RYR2: variants seen among roughly 807,000 people sequenced by gnomAD.
RYR2 encodes the protein ryanodine receptor 2.
In RYR2, 227 loss-of-function variants were observed where a neutral mutation model predicts 601.1. The ratio of observed to expected loss-of-function variants is 0.38; its 90% CI spans 0.34 to 0.42. The LOEUF (loss-of-function observed/expected upper bound fraction) is 0.42. RYR2 is among the 10% of genes least tolerant of loss of function. The pLI is 1.00. For synonymous variants in RYR2, 2,223 were observed against 2,175.1 expected, an observed-to-expected ratio of 1.02 and a Z score of -0.61; for missense variants, 4,646 against 6,156.5, an observed-to-expected ratio of 0.75 and a Z score of 8.21.
At chr1:237,129,157 G>T (rs545070311) in intron 1 of RYR2, among the ~76,000 whole-genome samples, 9 of 152,282 alleles carry the variant, frequency 5.9e-5, no homozygotes, top group Admixed American at 5.9e-4. Context: ...CTCTCATCTG[G>T]ATTACTGCAG....
chr1:237,047,388 C>CTTT (rs1660719850), intron 1 of RYR2, among the ~76,000 whole-genome samples: 2 of 66,004 alleles, frequency 3.0e-5, no homozygotes, highest in Non-Finnish European at 3.7e-5. Context: ...TCCTTTCTAG[C>CTTT]CTTTTTTTTT....
chr1:237,044,956 C>CTTCT (rs755992320), intron 1 of RYR2, among the ~76,000 whole-genome samples: 2 of 144,576 alleles, frequency 1.4e-5, no homozygotes, highest in Non-Finnish European at 3.0e-5. Context: ...TCTTCTTCTT[C>CTTCT]TTTTTTTTTT....
At chr1:237,271,136 C>CA (rs1216548041) in intron 2 of RYR2, among the ~76,000 whole-genome samples, 2 of 151,020 alleles carry the variant, frequency 1.3e-5, no homozygotes, top group Non-Finnish European at 3.0e-5. Context: ...TTTTTTTCCT[C>CA]AAAGTGTTAT....
intron 31 of RYR2, 78 bp downstream of exon 31, chr1:237,591,070 G>A (rs1675102315): frequency 4.8e-6 from 6 of 1,245,938 alleles, no homozygotes; most frequent in Middle Eastern, 2.3e-4. Flanking sequence ...GGGTCTCCTA[G>A]TGTAAATTTT....
rs1558428110 is a variant in RYR2, at chr1:237,208,968, A to ATATG, written c.49-61526_49-61525insGTAT. On this transcript the variant is annotated intron_variant, in intron 1 of 104. Transcript: ENST00000366574. ...TATATATATATATATATATATATAT[A>ATATG]TATATATATATATATATGTATACTG... 4.0e-3 allele frequency among the ~76,000 whole-genome samples: 356 copies of ATATG among 88,758 alleles called. 4 individuals carry two copies. Among genetic ancestry groups the ATATG allele is most frequent in the African/African-American group, 0.011 (331 of 28,956 alleles). The allele number at this position is 88,758 out of a possible 152,430, so 58.2% of individuals were successfully genotyped here.
Position 237,494,895 on chromosome 1 carries a change from A to G in RYR2, c.1962-1616A>G, listed in dbSNP as rs558198055. On this transcript the variant is annotated intron_variant, in intron 19 of 104. Transcript: ENST00000366574. The stretch of plus-strand genomic sequence containing the variant: ...AATCTCTGCCTCCTGGGTTCAAGCC[A>G]TTCTCCTGCCTCAGCCTCCTGAGTA... 3.3e-5 allele frequency among the ~76,000 whole-genome samples: 5 copies of G among 152,178 alleles called. No individual in the cohort carries two copies. The East Asian group carries it at 9.7e-4, about 29-fold the overall frequency.
intron 25 of RYR2, among the ~76,000 whole-genome samples, chr1:237,545,050 C>T (rs114569969): frequency 7.6e-4 from 116 of 152,226 alleles, no homozygotes; most frequent in African/African-American, 2.6e-3. Flanking sequence ...AATCCTTTCT[C>T]GTACAAGGTT....
intron 2 of RYR2, among the ~76,000 whole-genome samples, chr1:237,284,683 T>TACACACACACACAC (rs71180018): frequency 4.2e-5 from 6 of 143,570 alleles, no homozygotes; most frequent in South Asian, 2.2e-4. Flanking sequence ...TATATATATG[T>TACACACACACACAC]ACACACACAC....
At chr1:237,413,572 C>CTTAT (rs1250130186) in intron 10 of RYR2, among the ~76,000 whole-genome samples, 2 of 151,898 alleles carry the variant, frequency 1.3e-5, no homozygotes, top group African/African-American at 4.8e-5. Context: ...TTCTGTATAC[C>CTTAT]TTATTACCTT....
chr1:237,264,145 T>G (rs549459200), intron 1 of RYR2, among the ~76,000 whole-genome samples: 6 of 151,706 alleles, frequency 4.0e-5, no homozygotes, highest in African/African-American at 1.2e-4. Flanking sequence ...TTTCCCATAA[T>G]TCACCCCTCA....
intron 1 of RYR2, among the ~76,000 whole-genome samples, chr1:237,092,100 G>A (rs563063482): frequency 2.6e-5 from 4 of 152,300 alleles, no homozygotes; most frequent in Non-Finnish European, 4.4e-5. Context: ...ATATACTAGA[G>A]CACCTTTATA....
chr1:237,595,556 G>A lies in RYR2; in HGVS notation c.4495G>A (p.Gly1499Arg). The A allele has an allele frequency of 6.2e-7, 1 of 1,613,686 alleles. No homozygotes were observed. Among genetic ancestry groups the A allele is most frequent in the Non-Finnish European group, 8.5e-7 (1 of 1,179,744 alleles). The change falls in exon 34 of 105, where the codon GGA (glycine) becomes AGA (arginine). Residue 1499 changes from glycine to arginine, a missense_variant. By Grantham distance (125) the Gly-to-Arg change is moderately radical. Around this residue, in one of 17 missense-constraint regions of RYR2, gnomAD observed 1,807 missense variants for 2,088.1 expected, o/e 0.87. Transcript: ENST00000366574. ...GGGTGAGAGCATGAGCCCCGGGCAA[G>A]GACGCAACAATAATGGACTGGAGAT... ...CAGESMSPGQ[G>R]RNNNGLEIGC...
intron 80 of RYR2, among the ~76,000 whole-genome samples, chr1:237,753,829 C>A (rs1404581922): frequency 6.6e-6 from 1 of 151,642 alleles, no homozygotes; most frequent in Non-Finnish European, 1.5e-5. Context: ...GATCTATCTA[C>A]AATTTGTTTA....
chr1:237,793,878 T>C lies in RYR2; in HGVS notation c.13794T>C (p.Val4598=), dbSNP rs1297765126. The C allele has an allele frequency of 6.2e-7, 1 of 1,607,942 alleles. No individual in the cohort carries two copies. Among genetic ancestry groups the C allele is most frequent in the African/African-American group, 1.3e-5 (1 of 74,922 alleles). Residue 4598 remains valine (V), a synonymous_variant, in exon 95 of 105, where the codon GTT becomes GTC. Coordinates refer to ENST00000366574, the MANE Select transcript of RYR2 (RefSeq NM_001035.3). ...TTTTTCCTATGTAGGTCCCATTGGT[T>C]ATTTTTAAGCGAGAAAAGGAAGTGG... The part of the protein sequence containing the change: ...IGYYCLKVPL[V]IFKREKEVAR...
At chr1:237,242,649 T>A (rs1686326906) in intron 1 of RYR2, among the ~76,000 whole-genome samples, 2 of 152,114 alleles carry the variant, frequency 1.3e-5, no homozygotes, top group Admixed American at 6.6e-5. Flanking sequence ...ACTAAGGGCT[T>A]GAGAAAATAT....
At chr1:237,713,811 T>C (rs1025599605) in intron 71 of RYR2, among the ~76,000 whole-genome samples, 3 of 152,180 alleles carry the variant, frequency 2.0e-5, no homozygotes, top group South Asian at 2.1e-4. Flanking sequence ...TGTTGCATTA[T>C]ACAATTGTAC....
At chr1:237,809,089 G>A in intron 100 of RYR2, 54 bp downstream of exon 100, 1 of 1,495,254 alleles carries the variant, frequency 6.7e-7, no homozygotes, top group Non-Finnish European at 9.3e-7. Context: ...TGCTTCTGCA[G>A]TCTAAGTAAT....
chr1:237,107,519 CAAA>C lies in RYR2; in HGVS notation c.48+64965_48+64967del, dbSNP rs71561857. ...TGGGAGACAGAGTGAGACTCCATCT[CAAA>C]AAAAAAAAAAAAAAGGAAACATTGT... On this transcript the variant is annotated intron_variant, in intron 1 of 104. Transcript: ENST00000366574. Among the ~76,000 whole-genome samples the C allele has an allele frequency of 3.1e-4, 12 of 38,896 alleles. 1 individual carries two copies. Among genetic ancestry groups the C allele is most frequent in the African/African-American group, 5.0e-4 (7 of 14,054 alleles). 25.5% of individuals were successfully genotyped at this position (38,896 alleles called of 152,430 possible). A position where few individuals can be genotyped will look rare whatever the true frequency, so the allele number is the denominator to read the frequency against.
intron 80 of RYR2, among the ~76,000 whole-genome samples, chr1:237,746,489 A>G (rs1432021772): frequency 6.6e-6 from 1 of 152,150 alleles, no homozygotes; most frequent in Non-Finnish European, 1.5e-5. Context: ...AAAACATGGA[A>G]AACAAGGAAA....
Sources: allele counts gnomAD v4.1 joint callset (sites outside exome capture counted in the v4.1 genomes callset), GRCh38; gene constraint gnomAD v4.1.1; regional missense constraint gnomAD v4.1.1; transcripts MANE v1.5; gene names NCBI Gene and HGNC (gene_info 2026-07-23, HGNC 2026-07-21).